The following ERC1 variants were observed in gnomAD, a reference collection of about 807,000 sequenced individuals.
The protein encoded by ERC1 is RAB6 interacting protein 2.
Under a neutral mutation model 132.0 loss-of-function variants are expected in ERC1, and 56 were observed. The observed-to-expected ratio is 0.42, with a 90% CI of 0.34 to 0.53. The LOEUF (loss-of-function observed/expected upper bound fraction) is 0.53. Ranked by LOEUF, ERC1 falls within the 20% of genes least tolerant of loss-of-function variation. The pLI is 0.03. For missense variants in ERC1, 1,202 were observed against 1,349.9 expected (o/e 0.89, Z 1.72); for synonymous variants, 478 against 476.1 (o/e 1.00, Z -0.05).
chr12:1,452,316 G>A (rs1302183239), intron 18 of ERC1, among the ~76,000 whole-genome samples: 5 of 152,064 alleles, frequency 3.3e-5, no homozygotes, highest in African/African-American at 1.2e-4. Context: ...GGGTTGGTTG[G>A]TTGGTTGATA....
At chr12:1,355,619 A>G (rs1280093051) in intron 15 of ERC1, among the ~76,000 whole-genome samples, 1 of 152,214 alleles carries the variant, frequency 6.6e-6, no homozygotes, top group Non-Finnish European at 1.5e-5. Context: ...GAGAATAGCT[A>G]TGTATGCCAG....
At chr12:992,482 T>G (rs1959762526) in intron 1 of ERC1, among the ~76,000 whole-genome samples, 1 of 152,240 alleles carries the variant, frequency 6.6e-6, no homozygotes, top group African/African-American at 2.4e-5. Flanking sequence ...TTATTTCTCA[T>G]TTGCAGTTAT....
intron 1 of ERC1, among the ~76,000 whole-genome samples, chr12:1,010,151 C>T (rs868425146): frequency 1.3e-5 from 2 of 152,100 alleles, no homozygotes; most frequent in South Asian, 2.1e-4. Flanking sequence ...GCGTGGTAAC[C>T]GAGGGGAGGA....
chr12:1,150,385 A>T lies in ERC1; in HGVS notation c.1737+8598A>T, dbSNP rs150187145. Among the ~76,000 whole-genome samples the T allele has an allele frequency of 5.3e-3, 804 of 152,330 alleles. 4 individuals carry two copies. The highest frequency in any genetic ancestry group is 0.012 in the South Asian group (58 of 4,832). Reference sequence around the variant, plus strand: ...AGCAGAACATATTCATAGGGAAAGGATGAATTCAAAGTTATTTACAACTCT... The same window carrying T: ...AGCAGAACATATTCATAGGGAAAGGTTGAATTCAAAGTTATTTACAACTCT... On this transcript the variant is annotated intron_variant, in intron 8 of 18. Coordinates refer to ENST00000360905, the MANE Select transcript of ERC1 (RefSeq NM_178040.4).
At chr12:1,151,304 T>A (rs1365483967) in intron 8 of ERC1, among the ~76,000 whole-genome samples, 1 of 152,168 alleles carries the variant, frequency 6.6e-6, no homozygotes, top group Non-Finnish European at 1.5e-5. Context: ...TTGTATGAAT[T>A]TATTGGGGAA....
At position 1,104,836 on chromosome 12, in the gene ERC1, T is replaced by A; in HGVS notation, c.1161+12T>A. 6.3e-7 allele frequency: 1 copy of A among 1,583,984 alleles called. No homozygotes were observed. The highest frequency in any genetic ancestry group is 8.7e-7 in the Non-Finnish European group (1 of 1,152,754). On this transcript the variant is annotated intron_variant, in intron 4 of 18. Transcript: ENST00000360905. ...TTATTGAGATGAAGGTAAGTGAGAATCTAGTAAAGAATCTTATGAATTACC... is the reference window on the plus strand; with the variant it reads ...TTATTGAGATGAAGGTAAGTGAGAAACTAGTAAAGAATCTTATGAATTACC...
At chr12:1,437,138 T>C (rs532117651) in intron 17 of ERC1, among the ~76,000 whole-genome samples, 2 of 152,352 alleles carry the variant, frequency 1.3e-5, no homozygotes, top group South Asian at 2.1e-4. Context: ...ACATTTCTGC[T>C]CCTGGAATTT....
chr12:1,073,478 T>TC (rs1260246228), intron 2 of ERC1, among the ~76,000 whole-genome samples: 3 of 151,020 alleles, frequency 2.0e-5, no homozygotes, highest in Admixed American at 6.6e-5. Flanking sequence ...ATGGCAAAAC[T>TC]CCATCTCTAC....
At chr12:1,441,887 C>T (rs2093165197) in intron 17 of ERC1, among the ~76,000 whole-genome samples, 2 of 152,122 alleles carry the variant, frequency 1.3e-5, no homozygotes, top group African/African-American at 4.8e-5. Context: ...GAAGACTGCA[C>T]CTGGAATCCT....
upstream of ERC1, chr12:991,187 A>G: frequency 7.4e-6 from 1 of 135,870 alleles, no homozygotes; most frequent in Middle Eastern, 3.9e-3. Flanking sequence ...GGGCGGGGCT[A>G]GGTGTCTCGC....
At chr12:992,756 T>G (rs556555922) in intron 1 of ERC1, among the ~76,000 whole-genome samples, 1 of 152,250 alleles carries the variant, frequency 6.6e-6, no homozygotes, top group Non-Finnish European at 1.5e-5. Context: ...CTGGCCCTAC[T>G]TATCAGTTAG....
intron 15 of ERC1, among the ~76,000 whole-genome samples, chr12:1,303,955 G>GAAAA (rs59587052): frequency 4.7e-4 from 41 of 86,494 alleles, no homozygotes; most frequent in South Asian, 1.8e-3. Context: ...CTCCATCTCA[G>GAAAA]AAAAAAAAAA....
Position 1,262,730 on chromosome 12 carries a change from G to A in ERC1, c.2488-304G>A, listed in dbSNP as rs140363011. Among the ~76,000 whole-genome samples, 705 of 152,312 alleles carry A rather than the reference G, an allele frequency of 4.6e-3. 8 individuals carry two copies. The highest frequency in any genetic ancestry group is 0.016 in the African/African-American group (681 of 41,568). On this transcript the variant is annotated intron_variant, in intron 13 of 18. Transcript: ENST00000360905. Reference sequence around the variant, plus strand: ...TTCAAAAACAACTTTGTGCTTTTAAGTAATCAAGCCCTTGCCACCTCTGCT... The same window carrying A: ...TTCAAAAACAACTTTGTGCTTTTAAATAATCAAGCCCTTGCCACCTCTGCT...
intron 18 of ERC1, among the ~76,000 whole-genome samples, chr12:1,475,430 A>G (rs1477340475): frequency 6.6e-6 from 1 of 152,250 alleles, no homozygotes; most frequent in Non-Finnish European, 1.5e-5. Flanking sequence ...CATAAAACCA[A>G]CTATTGAAAG....
intron 6 of ERC1, among the ~76,000 whole-genome samples, chr12:1,115,251 G>A (rs983753282): frequency 6.6e-6 from 1 of 152,116 alleles, no homozygotes; most frequent in African/African-American, 2.4e-5. Flanking sequence ...TGTTAAGAGA[G>A]AAATTAATCA....
At chr12:1,258,972 A>G (rs977901725) in intron 13 of ERC1, among the ~76,000 whole-genome samples, 1 of 152,210 alleles carries the variant, frequency 6.6e-6, no homozygotes, top group African/African-American at 2.4e-5. Flanking sequence ...ACATATTTAG[A>G]TATCAGTTAT....
intron 12 of ERC1, among the ~76,000 whole-genome samples, chr12:1,230,774 A>G (rs1201448073): frequency 1.3e-5 from 2 of 152,182 alleles, no homozygotes; most frequent in Non-Finnish European, 2.9e-5. Context: ...ATATTAATAC[A>G]TTTACAATTG....
At chr12:1,394,133 G>T (rs1432867102) in intron 16 of ERC1, among the ~76,000 whole-genome samples, 2 of 151,626 alleles carry the variant, frequency 1.3e-5, no homozygotes, top group Non-Finnish European at 2.9e-5. Flanking sequence ...GGGCACAGTG[G>T]CTCACACCTG....
intron 13 of ERC1, among the ~76,000 whole-genome samples, chr12:1,251,922 G>T (rs1296913736): frequency 6.6e-6 from 1 of 152,042 alleles, no homozygotes; most frequent in African/African-American, 2.4e-5. Flanking sequence ...CCTTTGTGTT[G>T]TGTGAGCTCT....
Sources: allele counts gnomAD v4.1 joint callset (sites outside exome capture counted in the v4.1 genomes callset), GRCh38; gene constraint gnomAD v4.1.1; transcripts MANE v1.5; gene names NCBI Gene and HGNC (gene_info 2026-07-23, HGNC 2026-07-21).